FCHO1: variants seen among roughly 807,000 people sequenced by gnomAD.
FCHO1 encodes FCH and mu domain containing endocytic adaptor 1.
FCHO1 carries 45 observed loss-of-function variants against 114.4 expected under a neutral mutation model. The observed-to-expected ratio is 0.39, with a 90% CI of 0.31 to 0.50. FCHO1 has a LOEUF of 0.50. FCHO1 is among the 20% of genes least tolerant of loss of function. The probability of loss-of-function intolerance (pLI) is 0.77; values close to 1 mark genes in which losing one functional copy is unlikely to be tolerated. For synonymous variants in FCHO1, 480 were observed against 488.9 expected, an observed-to-expected ratio of 0.98 and a Z score of 0.24; for missense variants, 1,042 against 1,209.6, an observed-to-expected ratio of 0.86 and a Z score of 2.06.
At chr19:17,785,012 C>T (rs2093746339) in intron 26 of FCHO1, 88 bp downstream of exon 26, 3 of 1,355,312 alleles carry the variant, frequency 2.2e-6, no homozygotes, top group African/African-American at 1.4e-5. Context: ...AAAGGGTGCA[C>T]CCTCGGCCTG....
chr19:17,788,238 G>GT, intron 28 of FCHO1, 46 bp from the exon 29 acceptor site: 3 of 691,400 alleles, frequency 4.3e-6, no homozygotes, highest in Non-Finnish European at 5.1e-6. Context: ...AACCCCTCCC[G>GT]TACCCCTCCT....
At chr19:17,749,116 C>A (rs1223454788), upstream of FCHO1, among the ~76,000 whole-genome samples, 1 of 152,142 alleles carries the variant, frequency 6.6e-6, no homozygotes, top group African/African-American at 2.4e-5. Context: ...ACACCCTGAC[C>A]CACATACCAT....
intron 4 of FCHO1, chr19:17,755,489 C>T (rs377149320): frequency 9.9e-5 from 27 of 272,500 alleles, no homozygotes; most frequent in African/African-American, 5.8e-4. Context: ...GTGCTCAAAC[C>T]CAGGGCCAAA....
intron 26 of FCHO1, 62 bp from the exon 27 acceptor site, chr19:17,786,512 A>G (rs2147521444): frequency 3.8e-6 from 6 of 1,561,360 alleles, no homozygotes; most frequent in Non-Finnish European, 4.4e-6. Context: ...CAGCTGAGGC[A>G]GGACCCTGGG....
chr19:17,775,004 GC>G lies in FCHO1; in HGVS notation c.921-51del. The stretch of plus-strand genomic sequence containing the variant: ...GTCCAGTGTTGGGGGCTGACAGGGG[GC>G]ACCAGATGGGCTGCGGAAGCTGACA... On this transcript the variant is annotated intron_variant, in intron 13 of 28. Coordinates refer to ENST00000596536, the MANE Select transcript of FCHO1 (RefSeq NM_015122.3). The surrounding 1 kb of genome is among the most constrained non-coding windows in gnomAD (Gnocchi z 5.1). 1 of 1,606,878 alleles carries G rather than the reference GC, an allele frequency of 6.2e-7. No individual in the cohort carries two copies. The highest frequency in any genetic ancestry group is 8.5e-7 in the Non-Finnish European group (1 of 1,173,972).
Position 17,783,265 on chromosome 19 carries a change from TC to T in FCHO1, c.2093+94del, listed in dbSNP as rs367923594. On this transcript the variant is annotated intron_variant, in intron 24 of 28. Transcript: ENST00000596536. ...TCCCTCTCTGCTTCCTGGGATTTTT[TC>T]TTTTCTTTTTTTTTTGTAGAGACGG... is the stretch of plus-strand genomic sequence containing the variant. 4.2e-3 allele frequency: 5,409 copies of T among 1,285,110 alleles called. 1 individual carries two copies. The highest frequency in any genetic ancestry group is 6.9e-3 in the Admixed American group (271 of 39,122). The allele number at this position is 1,285,110 out of a possible 1,614,324, so 79.6% of individuals were successfully genotyped here. A position where few individuals can be genotyped will look rare whatever the true frequency, so the allele number is the denominator to read the frequency against.
In FCHO1 at chr19:17,781,737, GGTC is replaced by G; in HGVS notation, c.1855_1857del (p.Val619del). ...GAGTCTCCCGGGGTCCGAGCCCTGT[GGTC>G]CTGGGCTCCCAGGATGCCCTGCCCA... On this transcript the variant is annotated inframe_deletion, in exon 23 of 29. Transcript: ENST00000596536. The G allele has an allele frequency of 6.2e-7, 1 of 1,609,722 alleles. No individual in the cohort carries two copies.
chr19:17,784,880 G>C lies in FCHO1; in HGVS notation c.2382G>C (p.Val794=), dbSNP rs1440973695. 6 of 1,613,294 alleles carry C rather than the reference G, an allele frequency of 3.7e-6. No individual in the cohort carries two copies. Among genetic ancestry groups the C allele is most frequent in the Non-Finnish European group, 5.1e-6 (6 of 1,180,022 alleles). Residue 794 remains valine, a synonymous_variant, in exon 26 of 29, where the codon GTG becomes GTC. Coordinates refer to ENST00000596536, the MANE Select transcript of FCHO1 (RefSeq NM_015122.3). This position sits in a 1 kb window ranked among gnomAD's most constrained non-coding sequence, Gnocchi z 5.3. ...CGAACGTCCAGATCCTGCTGCCTGTGGGGGAGCCTGTGACCAACGTCCGCT... is the reference window on the plus strand; with the variant it reads ...CGAACGTCCAGATCCTGCTGCCTGTCGGGGAGCCTGTGACCAACGTCCGCT... ...PLTNVQILLP[V]GEPVTNVRLQ...
intron 7 of FCHO1, among the ~76,000 whole-genome samples, chr19:17,769,177 AG>A (rs1380357618): frequency 6.8e-6 from 1 of 148,080 alleles, no homozygotes; most frequent in African/African-American, 2.5e-5. Flanking sequence ...TGGGAGGCTG[AG>A]GCAGGAGAAT....
chr19:17,779,230 G>A (rs1410806219), intron 20 of FCHO1, among the ~76,000 whole-genome samples: 2 of 152,154 alleles, frequency 1.3e-5, no homozygotes, highest in African/African-American at 4.8e-5. Flanking sequence ...GAACAGCAAG[G>A]AGGTCTGCCT....
intron 4 of FCHO1, 54 bp from the exon 5 acceptor site, chr19:17,762,708 G>A: frequency 7.4e-7 from 1 of 1,354,672 alleles, no homozygotes; most frequent in Non-Finnish European, 1.1e-6. Flanking sequence ...CCGTTGCTAA[G>A]CAACTATGAT....
rs183020779 is a variant in FCHO1, at chr19:17,788,378, G to A, written c.*72G>A. The stretch of plus-strand genomic sequence containing the variant: ...GCTGACCACCCCCTGCCCTCCTGCC[G>A]GACCCTGGGGCCTCCCACCCCAGCC... On this transcript the variant is annotated 3_prime_UTR_variant, in exon 29 of 29. Coordinates refer to ENST00000596536, the MANE Select transcript of FCHO1 (RefSeq NM_015122.3). 1.8e-4 allele frequency: 213 copies of A among 1,181,928 alleles called. No individual in the cohort carries two copies. The highest frequency in any genetic ancestry group is 2.5e-4 in the Non-Finnish European group (198 of 804,492). 73.2% of individuals were successfully genotyped at this position (1,181,928 alleles called of 1,614,324 possible).
intron 4 of FCHO1, among the ~76,000 whole-genome samples, chr19:17,757,822 G>A (rs1599559495): frequency 1.3e-5 from 2 of 148,242 alleles, no homozygotes; most frequent in African/African-American, 5.0e-5. Flanking sequence ...AGGCTGAGGT[G>A]GGAGGATCGC....
intron 27 of FCHO1, 121 bp from the exon 28 acceptor site, chr19:17,787,561 G>T (rs1288347757): frequency 5.3e-6 from 6 of 1,123,702 alleles, no homozygotes; most frequent in Non-Finnish European, 7.4e-6. Flanking sequence ...TCAAAGGGAG[G>T]TCTGATGGGG....
At chr19:17,761,326 G>A (rs533693184) in intron 4 of FCHO1, among the ~76,000 whole-genome samples, 6 of 151,746 alleles carry the variant, frequency 4.0e-5, no homozygotes, top group Non-Finnish European at 8.8e-5. Context: ...GGACTGTATT[G>A]GCTTATAAGA....
intron 4 of FCHO1, among the ~76,000 whole-genome samples, chr19:17,760,894 C>T (rs1244287440): frequency 3.3e-5 from 5 of 152,122 alleles, no homozygotes; most frequent in Admixed American, 3.3e-4. Context: ...AGTGATCTGC[C>T]TGCCTCAGCC....
In FCHO1 at chr19:17,775,624, C is replaced by A; in HGVS notation, c.1003+111C>A. ...TCTCTGTGTACATCCTGGAGAGAGT[C>A]TCCTTTGTGGATGAAGCCAACCTAA... is the stretch of plus-strand genomic sequence containing the variant. On this transcript the variant is annotated intron_variant, in intron 15 of 28. Coordinates refer to ENST00000596536, the MANE Select transcript of FCHO1 (RefSeq NM_015122.3). This position sits in a 1 kb window ranked among gnomAD's most constrained non-coding sequence, Gnocchi z 5.1. 9.3e-7 allele frequency: 1 copy of A among 1,072,712 alleles called. No homozygotes were observed. The highest frequency in any genetic ancestry group is 1.3e-5 in the South Asian group (1 of 77,776). 66.4% of individuals were successfully genotyped at this position (1,072,712 alleles called of 1,614,324 possible).
intron 7 of FCHO1, among the ~76,000 whole-genome samples, chr19:17,770,021 C>T (rs556717415): frequency 3.1e-4 from 47 of 151,968 alleles, no homozygotes; most frequent in African/African-American, 7.5e-4. Flanking sequence ...ACACAGAGGC[C>T]GGGCGTGGTG....
In FCHO1 at chr19:17,774,433, C is replaced by T. The variant is rs1368006870; in HGVS notation, c.875C>T (p.Pro292Leu). 3.7e-6 allele frequency: 6 copies of T among 1,613,920 alleles called. No individual in the cohort carries two copies. Among genetic ancestry groups the T allele is most frequent in the East Asian group, 2.2e-5 (1 of 44,884 alleles). Residue 292 changes from proline to leucine, a missense_variant, in exon 13 of 29, where the codon CCA becomes CTA. Coordinates refer to ENST00000596536, the MANE Select transcript of FCHO1 (RefSeq NM_015122.3). ...CGGGGAGCCAAGGCCTTTCGCCTTC[C>T]AGGACTAAGCCGGCGGGAGCGGGAG... is the stretch of plus-strand genomic sequence containing the variant. Reference protein sequence around the residue: ...RLRGAKAFRLPGLSRREREPE... With the variant: ...RLRGAKAFRLLGLSRREREPE...
Sources: gnomAD v4.1 joint callset for allele counts (sites outside exome capture counted in the v4.1 genomes callset) on GRCh38, gnomAD v4.1.1 for gene constraint, Gnocchi (gnomAD v3.1) non-coding constraint, MANE v1.5 for transcripts, NCBI Gene and HGNC (gene_info 2026-07-23, HGNC 2026-07-21) for gene names.